The following GPC6 variants were observed in gnomAD, a reference collection of about 807,000 sequenced individuals.
GPC6 encodes the protein glypican 6.
GPC6 carries 14 observed loss-of-function variants against 55.2 expected under a neutral mutation model. The observed-to-expected ratio is 0.25, with a 90% CI of 0.17 to 0.40. GPC6 has a LOEUF of 0.40. Among genes scored for constraint, GPC6 ranks in the 10% least tolerant of loss-of-function variants. The pLI is 1.00. For missense variants in GPC6, 641 were observed against 708.5 expected, an observed-to-expected ratio of 0.90 and a Z score of 1.08; for synonymous variants, 278 against 259.6, an observed-to-expected ratio of 1.07 and a Z score of -0.68.
At chr13:93,526,077 A>G (rs1270034460) in intron 1 of GPC6, among the ~76,000 whole-genome samples, 1 of 152,104 alleles carries the variant, frequency 6.6e-6, no homozygotes. Flanking sequence ...AGATGAAGAC[A>G]CTTGTTCAGC....
At chr13:93,851,139 A>T (rs955129) in intron 3 of GPC6, among the ~76,000 whole-genome samples, 35,644 of 151,822 alleles carry the variant, frequency 0.23, 4,719 homozygotes, top group East Asian at 0.34. Context: ...ATCACTTCAA[A>T]TTCCAAAGAC....
chr13:93,289,676 G>A (rs1878256436), intron 1 of GPC6, among the ~76,000 whole-genome samples: 1 of 152,078 alleles, frequency 6.6e-6, no homozygotes, highest in Non-Finnish European at 1.5e-5. Context: ...TCAGTTTAGA[G>A]GATCAAATCC....
At chr13:93,565,074 G>GC (rs1393675029) in intron 2 of GPC6, among the ~76,000 whole-genome samples, 1 of 151,950 alleles carries the variant, frequency 6.6e-6, no homozygotes, top group Non-Finnish European at 1.5e-5. Context: ...ATTGTAATTT[G>GC]CCTGCAAGTC....
chr13:93,473,386 G>C (rs913401483), intron 1 of GPC6, among the ~76,000 whole-genome samples: 1 of 152,172 alleles, frequency 6.6e-6, no homozygotes, highest in Non-Finnish European at 1.5e-5. Flanking sequence ...CACCTGGCTG[G>C]GCTGTGATAG....
At chr13:93,902,055 C>T (rs538880923) in intron 3 of GPC6, among the ~76,000 whole-genome samples, 2 of 151,924 alleles carry the variant, frequency 1.3e-5, no homozygotes, top group Non-Finnish European at 1.5e-5. Flanking sequence ...TTATAATTTC[C>T]TTGTGATGAG....
intron 1 of GPC6, among the ~76,000 whole-genome samples, chr13:93,247,943 A>C (rs974691335): frequency 2.6e-5 from 4 of 152,210 alleles, no homozygotes; most frequent in African/African-American, 9.6e-5. Flanking sequence ...TCAGATATTC[A>C]GACCAAAAAA....
At chr13:94,046,581 T>C (rs1883739543) in intron 4 of GPC6, among the ~76,000 whole-genome samples, 1 of 152,146 alleles carries the variant, frequency 6.6e-6, no homozygotes, top group Non-Finnish European at 1.5e-5. Flanking sequence ...TAAAGTCACT[T>C]TCCCCTCATT....
chr13:93,750,182 G>A (rs939461843), intron 2 of GPC6, among the ~76,000 whole-genome samples: 3 of 152,112 alleles, frequency 2.0e-5, no homozygotes, highest in Admixed American at 6.5e-5. Flanking sequence ...GACAAAGGAG[G>A]GCAAAAGGAA....
At chr13:93,714,793 G>A (rs1427998538) in intron 2 of GPC6, among the ~76,000 whole-genome samples, 2 of 151,540 alleles carry the variant, frequency 1.3e-5, no homozygotes, top group Non-Finnish European at 3.0e-5. Flanking sequence ...TCTTAGGTCG[G>A]CAGTGTTACT....
chr13:93,237,399 A>T, intron 1 of GPC6, among the ~76,000 whole-genome samples: 1 of 151,994 alleles, frequency 6.6e-6, no homozygotes, highest in Admixed American at 6.6e-5. Context: ...TGTCATTTAC[A>T]CACTTTTTAA....
chr13:93,766,113 G>C (rs148986424), intron 2 of GPC6, among the ~76,000 whole-genome samples: 62 of 152,266 alleles, frequency 4.1e-4, no homozygotes, highest in African/African-American at 1.4e-3. Context: ...GTTTTAAGTT[G>C]TATAGGTCTT....
chr13:94,255,822 T>C (rs1891486553), intron 4 of GPC6, among the ~76,000 whole-genome samples: 1 of 152,140 alleles, frequency 6.6e-6, no homozygotes, highest in Non-Finnish European at 1.5e-5. Context: ...ATAAATGCCC[T>C]GGATCATAGA....
chr13:93,809,263 C>A (rs1247870841), intron 2 of GPC6, among the ~76,000 whole-genome samples: 1 of 152,128 alleles, frequency 6.6e-6, no homozygotes, highest in Admixed American at 6.5e-5. Context: ...GGATCAGTGA[C>A]CATACGCATT....
At chr13:93,729,537 A>G (rs1883753132) in intron 2 of GPC6, among the ~76,000 whole-genome samples, 1 of 152,200 alleles carries the variant, frequency 6.6e-6, no homozygotes, top group Admixed American at 6.5e-5. Flanking sequence ...AAATAACATT[A>G]TGTCTTTCAA....
At chr13:93,621,805 T>C (rs1375808325) in intron 2 of GPC6, among the ~76,000 whole-genome samples, 1 of 152,162 alleles carries the variant, frequency 6.6e-6, no homozygotes, top group African/African-American at 2.4e-5. Context: ...GACTGTGTAA[T>C]GGTCAAGTCA....
intron 4 of GPC6, among the ~76,000 whole-genome samples, chr13:94,130,832 T>C (rs1192174428): frequency 6.6e-6 from 1 of 152,140 alleles, no homozygotes; most frequent in East Asian, 1.9e-4. Flanking sequence ...CATTACTTCA[T>C]AGGAAGAAGT....
chr13:93,490,403 T>G (rs1879921114), intron 1 of GPC6, among the ~76,000 whole-genome samples: 1 of 148,920 alleles, frequency 6.7e-6, no homozygotes, highest in African/African-American at 2.4e-5. Context: ...TATGATGTAC[T>G]TACATATACA....
chr13:93,277,755 T>G (rs914982321), intron 1 of GPC6, among the ~76,000 whole-genome samples: 3 of 152,162 alleles, frequency 2.0e-5, no homozygotes, highest in African/African-American at 7.2e-5. Context: ...CAATGTACTA[T>G]AAGTTTTCTA....
intron 1 of GPC6, among the ~76,000 whole-genome samples, chr13:93,259,142 C>T (rs1467100645): frequency 6.6e-6 from 1 of 152,160 alleles, no homozygotes; most frequent in East Asian, 1.9e-4. Context: ...CTTTACATTT[C>T]TTTCCACTGT....
Sources: gnomAD v4.1 joint callset for allele counts (sites outside exome capture counted in the v4.1 genomes callset) on GRCh38, gnomAD v4.1.1 for gene constraint, MANE v1.5 for transcripts, NCBI Gene and HGNC (gene_info 2026-07-23, HGNC 2026-07-21) for gene names.